GGA3: variants seen among roughly 807,000 people sequenced by gnomAD.
GGA3 encodes the protein golgi associated, gamma adaptin ear containing, ARF binding protein 3.
GGA3 carries 57 observed loss-of-function variants against 77.5 expected under a neutral mutation model. The ratio of observed to expected loss-of-function variants is 0.74; its 90% CI spans 0.59 to 0.92. The LOEUF (loss-of-function observed/expected upper bound fraction) is 0.92, where lower values mean the gene tolerates loss of function less well. Ranked by LOEUF, GGA3 falls within the 40% of genes least tolerant of loss-of-function variation. GGA3 has a pLI of 0.00. For missense variants in GGA3, 970 were observed against 914.9 expected (o/e 1.06, Z -0.78); for synonymous variants, 416 against 383.7 (o/e 1.08, Z -0.98).
intron 12 of GGA3, 63 bp downstream of exon 12, chr17:75,240,279 A>T: frequency 1.6e-6 from 2 of 1,254,412 alleles, no homozygotes; most frequent in Non-Finnish European, 2.3e-6. Flanking sequence ...AGCCCAGGAG[A>T]CATGACGCTG....
Position 75,237,161 on chromosome 17 carries a change from C to A in GGA3, c.*1118G>T, listed in dbSNP as rs2076347462. 4.6e-6 allele frequency: 2 copies of A among 436,032 alleles called. No individual in the cohort carries two copies. The highest frequency in any genetic ancestry group is 8.3e-6 in the Non-Finnish European group (2 of 241,534). 27.0% of individuals were successfully genotyped at this position (436,032 alleles called of 1,614,324 possible). A position where few individuals can be genotyped will look rare whatever the true frequency, so the allele number is the denominator to read the frequency against. ...AGTGGCTGGGACAAGCTGGCGGGGG[C>A]CAAGCACTGTTGAAGCAATAGGGTC... On this transcript the variant is annotated 3_prime_UTR_variant, in exon 17 of 17. Transcript: ENST00000537686.
intron 1 of GGA3, among the ~76,000 whole-genome samples, chr17:75,252,679 T>C (rs2077010403): frequency 6.6e-6 from 1 of 152,268 alleles, no homozygotes; most frequent in East Asian, 1.9e-4. Flanking sequence ...CACGTATACA[T>C]CCAGATGGCC....
upstream of GGA3, chr17:75,262,318 G>T: frequency 1.3e-6 from 1 of 751,316 alleles, no homozygotes. Flanking sequence ...TTACCCGCCT[G>T]CTTGGGGAAT....
Position 75,239,468 on chromosome 17 carries a change from G to A in GGA3, c.1687C>T (p.Gln563Ter). Residue 563 changes from glutamine (Q) to a stop codon, truncating the protein, a stop_gained, in exon 14 of 17, where the codon CAG (glutamine) becomes TAG (stop). Coordinates refer to ENST00000537686, the MANE Select transcript of GGA3 (RefSeq NM_138619.4). LOFTEE classifies it high-confidence loss of function. ...FSTGPGSPLF[Q>*]PLSFQSQGSP... Reference sequence around the variant, plus strand: ...CCCTGGGACTGGAAACTCAGTGGCTGGAAGAGCGGGCTGCCGGGCCCCGTG... The same window carrying A: ...CCCTGGGACTGGAAACTCAGTGGCTAGAAGAGCGGGCTGCCGGGCCCCGTG... 6.3e-7 allele frequency: 1 copy of A among 1,581,330 alleles called. No homozygotes were observed. Among genetic ancestry groups the A allele is most frequent in the Non-Finnish European group, 8.5e-7 (1 of 1,171,032 alleles).
rs746804562 is a variant in GGA3 at position 75,238,017 on chromosome 17, T to C, written c.*262A>G. The C allele has an allele frequency of 8.0e-6, 10 of 1,249,386 alleles. No individual in the cohort carries two copies. Among genetic ancestry groups the C allele is most frequent in the Non-Finnish European group, 1.0e-5 (10 of 995,812 alleles). 77.4% of individuals were successfully genotyped at this position (1,249,386 alleles called of 1,614,324 possible). A position where few individuals can be genotyped will look rare whatever the true frequency, so the allele number is the denominator to read the frequency against. On this transcript the variant is annotated 3_prime_UTR_variant, in exon 17 of 17. Coordinates refer to ENST00000537686, the MANE Select transcript of GGA3 (RefSeq NM_138619.4). ...GGGGTCCATGTTCCCGGGACAGCAG[T>C]GAAGTCAGGGGCCACTCCGCACCCC...
At chr17:75,238,481 G>T in intron 16 of GGA3, 92 bp from the exon 17 acceptor site, 1 of 1,184,874 alleles carries the variant, frequency 8.4e-7, no homozygotes, top group Non-Finnish European at 1.2e-6. Context: ...TAGAGGAATG[G>T]TCCCTTTTCC....
intron 1 of GGA3, among the ~76,000 whole-genome samples, chr17:75,259,469 A>C (rs2077270509): frequency 6.6e-6 from 1 of 152,288 alleles, no homozygotes; most frequent in East Asian, 1.9e-4. Context: ...CCAGGTAAGG[A>C]GAGCAACGTG....
intron 1 of GGA3, among the ~76,000 whole-genome samples, chr17:75,251,869 C>T (rs998855003): frequency 6.0e-5 from 9 of 151,188 alleles, no homozygotes; most frequent in African/African-American, 1.2e-4. Flanking sequence ...ACTTCCCAGG[C>T]TCAGATGATT....
chr17:75,253,978 C>T (rs866012726), intron 1 of GGA3, among the ~76,000 whole-genome samples: 4 of 152,132 alleles, frequency 2.6e-5, no homozygotes, highest in South Asian at 2.1e-4. Context: ...GGCCAGAAAA[C>T]GGCACTTTCG....
At chr17:75,256,149 G>A (rs889005065) in intron 1 of GGA3, among the ~76,000 whole-genome samples, 2 of 151,984 alleles carry the variant, frequency 1.3e-5, no homozygotes, top group East Asian at 1.9e-4. Flanking sequence ...AGCCAGGACC[G>A]CACCCTGTAG....
At chr17:75,250,284 G>A (rs531110307) in intron 1 of GGA3, among the ~76,000 whole-genome samples, 3 of 152,296 alleles carry the variant, frequency 2.0e-5, no homozygotes, top group East Asian at 3.9e-4. Flanking sequence ...CATGGTTTCT[G>A]TCTATTTTCG....
chr17:75,237,624 T>G lies in GGA3; in HGVS notation c.*655A>C, dbSNP rs1340011759. ...CCAAATTCCATGTCCTGCCAAGATG[T>G]CCATAGGACACAGCCTGCCACTGCC... On this transcript the variant is annotated 3_prime_UTR_variant, in exon 17 of 17. Coordinates refer to ENST00000537686, the MANE Select transcript of GGA3 (RefSeq NM_138619.4). The G allele has an allele frequency of 2.0e-6, 3 of 1,522,694 alleles. No homozygotes were observed. Among genetic ancestry groups the G allele is most frequent in the East Asian group, 4.9e-5 (2 of 40,834 alleles). 94.3% of individuals were successfully genotyped at this position (1,522,694 alleles called of 1,614,324 possible).
intron 4 of GGA3, among the ~76,000 whole-genome samples, chr17:75,244,236 C>T (rs1278398287): frequency 6.6e-6 from 1 of 152,194 alleles, no homozygotes; most frequent in Non-Finnish European, 1.5e-5. Flanking sequence ...TGCAACAGAA[C>T]ACGGCCAGCT....
At chr17:75,249,173 G>A (rs548641412) in intron 1 of GGA3, among the ~76,000 whole-genome samples, 1 of 150,948 alleles carries the variant, frequency 6.6e-6, no homozygotes, top group East Asian at 1.9e-4. Context: ...AGCCTCCCGA[G>A]TAGCTGGGAT....
chr17:75,242,214 A>T, intron 8 of GGA3, 122 bp downstream of exon 8: 1 of 1,036,176 alleles, frequency 9.7e-7, no homozygotes, highest in Non-Finnish European at 1.5e-6. Flanking sequence ...GAGTAAGGTC[A>T]TGAATACACT....
Position 75,237,917 on chromosome 17 carries a change from T to TGG in GGA3, c.*361_*362insCC. 1 of 761,996 alleles carries TGG rather than the reference T, an allele frequency of 1.3e-6. No individual in the cohort carries two copies. The allele number at this position is 761,996 out of a possible 1,614,324, so 47.2% of individuals were successfully genotyped here. ...CCCATGACAGTCTCTCTTTAGAGAC[T>TGG]CCCACCCCCCACCCCCCACCCCAGT... On this transcript the variant is annotated 3_prime_UTR_variant, in exon 17 of 17. Transcript: ENST00000537686.
At chr17:75,242,227 C>G in intron 8 of GGA3, 109 bp downstream of exon 8, 2 of 1,161,600 alleles carry the variant, frequency 1.7e-6, no homozygotes. Context: ...AATACACTGC[C>G]AAGTGCACAG....
chr17:75,262,007 G>T (rs777750975), upstream of GGA3: 18 of 1,452,136 alleles, frequency 1.2e-5, no homozygotes, highest in African/African-American at 2.9e-5. Flanking sequence ...GAGCAGCGGC[G>T]GGGGGGCGCT....
chr17:75,247,979 G>C (rs192162485), intron 1 of GGA3, among the ~76,000 whole-genome samples: 1 of 152,236 alleles, frequency 6.6e-6, no homozygotes, highest in East Asian at 1.9e-4. Context: ...CTCTCCAGCT[G>C]TTTGCTAAAT....
Sources: allele counts gnomAD v4.1 joint callset (sites outside exome capture counted in the v4.1 genomes callset), GRCh38; gene constraint gnomAD v4.1.1; transcripts MANE v1.5; gene names NCBI Gene and HGNC (gene_info 2026-07-23, HGNC 2026-07-21).